CDK14: variants seen among roughly 807,000 people sequenced by gnomAD.
CDK14 encodes cyclin dependent kinase 14.
CDK14 carries 34 observed loss-of-function variants against 60.7 expected under a neutral mutation model. The observed-to-expected ratio is 0.56, with a 90% CI of 0.43 to 0.75. CDK14 has a LOEUF of 0.75. CDK14 is among the 30% of genes least tolerant of loss of function. The pLI is 0.00. For missense variants in CDK14, 482 were observed against 564.1 expected (o/e 0.85, Z 1.47); for synonymous variants, 197 against 203.7 (o/e 0.97, Z 0.28).
intron 5 of CDK14, among the ~76,000 whole-genome samples, chr7:90,842,567 A>G (rs1790334043): frequency 6.6e-6 from 1 of 152,188 alleles, no homozygotes; most frequent in Admixed American, 6.6e-5. Flanking sequence ...CAGAAGAACC[A>G]GAGTGTGTCA....
chr7:90,905,095 G>A (rs1792650171), intron 7 of CDK14, among the ~76,000 whole-genome samples: 1 of 152,102 alleles, frequency 6.6e-6, no homozygotes, highest in Non-Finnish European at 1.5e-5. Flanking sequence ...AGGAAGAGAA[G>A]ACAAAGAAAC....
At chr7:90,885,945 T>C (rs576190229) in intron 6 of CDK14, among the ~76,000 whole-genome samples, 2 of 152,076 alleles carry the variant, frequency 1.3e-5, no homozygotes, top group East Asian at 3.9e-4. Flanking sequence ...AGAGGACGGG[T>C]CAATAGGTGC....
At chr7:90,801,183 G>T (rs1004842636) in intron 5 of CDK14, among the ~76,000 whole-genome samples, 3 of 152,140 alleles carry the variant, frequency 2.0e-5, no homozygotes, top group Admixed American at 2.0e-4. Flanking sequence ...GGTCATAATG[G>T]ACTGGGACCT....
At chr7:90,808,592 A>G (rs1277680767) in intron 5 of CDK14, among the ~76,000 whole-genome samples, 1 of 152,204 alleles carries the variant, frequency 6.6e-6, no homozygotes, top group Non-Finnish European at 1.5e-5. Context: ...CATCATAATG[A>G]CAGGATCAAA....
intron 2 of CDK14, among the ~76,000 whole-genome samples, chr7:90,655,337 T>C (rs1237124586): frequency 6.6e-6 from 1 of 152,170 alleles, no homozygotes; most frequent in Non-Finnish European, 1.5e-5. Context: ...GGATTGTGTT[T>C]GGATGTAAAT....
chr7:90,794,647 G>A (rs370004500), intron 5 of CDK14, among the ~76,000 whole-genome samples: 45 of 152,100 alleles, frequency 3.0e-4, no homozygotes, highest in Non-Finnish European at 5.3e-4. Flanking sequence ...CCTGAACATC[G>A]CTGTTATCCT....
At chr7:91,151,571 A>G (rs922824287) in intron 14 of CDK14, among the ~76,000 whole-genome samples, 3 of 152,132 alleles carry the variant, frequency 2.0e-5, no homozygotes, top group South Asian at 2.1e-4. Context: ...TTTCTTAACA[A>G]TGCTATTTTA....
intron 2 of CDK14, among the ~76,000 whole-genome samples, chr7:90,670,966 G>A (rs1181048446): frequency 6.6e-6 from 1 of 152,086 alleles, no homozygotes. Flanking sequence ...ACAAAAGCTG[G>A]TGGGCTTTAC....
chr7:90,781,478 T>C (rs1029174652), intron 4 of CDK14, among the ~76,000 whole-genome samples: 21 of 150,332 alleles, frequency 1.4e-4, no homozygotes, highest in Non-Finnish European at 3.0e-4. Context: ...GTTTTAGACA[T>C]GAAGTCCTTG....
intron 2 of CDK14, among the ~76,000 whole-genome samples, chr7:90,646,408 C>A (rs778047679): frequency 2.0e-5 from 3 of 151,556 alleles, no homozygotes; most frequent in Non-Finnish European, 4.4e-5. Flanking sequence ...GGACTGCTTG[C>A]AAATTAGTTG....
At chr7:90,982,090 G>A (rs996450088) in intron 9 of CDK14, among the ~76,000 whole-genome samples, 1 of 152,170 alleles carries the variant, frequency 6.6e-6, no homozygotes, top group African/African-American at 2.4e-5. Flanking sequence ...TGGGAGGCAA[G>A]GTCTTTTGAT....
chr7:90,794,166 A>G (rs557807936), intron 5 of CDK14, among the ~76,000 whole-genome samples: 37 of 152,160 alleles, frequency 2.4e-4, no homozygotes, highest in Non-Finnish European at 4.9e-4. Flanking sequence ...GAGGGAGTGT[A>G]TGAATAGGAT....
intron 6 of CDK14, among the ~76,000 whole-genome samples, chr7:90,889,770 G>A (rs1165650398): frequency 6.6e-6 from 1 of 152,154 alleles, no homozygotes; most frequent in African/African-American, 2.4e-5. Flanking sequence ...ATTGTAATGT[G>A]TCAAATAAGT....
intron 14 of CDK14, among the ~76,000 whole-genome samples, chr7:91,135,962 T>G (rs1432502491): frequency 6.6e-6 from 1 of 152,100 alleles, no homozygotes; most frequent in African/African-American, 2.4e-5. Flanking sequence ...TACACTTGTG[T>G]CTTTCTTTGC....
At chr7:91,057,845 C>T (rs1326372533) in intron 11 of CDK14, among the ~76,000 whole-genome samples, 2 of 152,098 alleles carry the variant, frequency 1.3e-5, no homozygotes, top group Admixed American at 6.6e-5. Flanking sequence ...AGCGTGATGC[C>T]TCCAGCTTTG....
At chr7:90,823,244 A>T (rs541129277) in intron 5 of CDK14, among the ~76,000 whole-genome samples, 1 of 152,282 alleles carries the variant, frequency 6.6e-6, no homozygotes, top group South Asian at 2.1e-4. Flanking sequence ...AAGCTACCAG[A>T]TTATTTTTCT....
intron 2 of CDK14, among the ~76,000 whole-genome samples, chr7:90,693,367 T>C (rs116134250): frequency 0.011 from 1,693 of 152,320 alleles, 36 homozygotes; most frequent in African/African-American, 0.039. Context: ...TGAATGAAGC[T>C]TGCCAAGGTT....
chr7:90,690,606 G>T (rs962634839), intron 2 of CDK14, among the ~76,000 whole-genome samples: 1 of 152,144 alleles, frequency 6.6e-6, no homozygotes, highest in East Asian at 1.9e-4. Context: ...TTAGAAGCAC[G>T]AAAGATTGTG....
chr7:90,728,941 A>AT (rs900603566), intron 3 of CDK14, among the ~76,000 whole-genome samples: 10 of 151,212 alleles, frequency 6.6e-5, no homozygotes, highest in African/African-American at 1.7e-4. Context: ...TACCCAATTT[A>AT]TTTTTTTTAG....
Sources: gnomAD v4.1 joint callset for allele counts (sites outside exome capture counted in the v4.1 genomes callset) on GRCh38, gnomAD v4.1.1 for gene constraint, MANE v1.5 for transcripts, NCBI Gene and HGNC (gene_info 2026-07-23, HGNC 2026-07-21) for gene names.